Variants in SDK1 observed in about 807,000 individuals in gnomAD.
SDK1 encodes the protein protein sidekick-1.
SDK1 carries 157 observed loss-of-function variants against 245.5 expected under a neutral mutation model. That is an observed-to-expected ratio of 0.64 (90% CI 0.56 to 0.73). SDK1 has a LOEUF of 0.73. Ranked by LOEUF, SDK1 falls within the 30% of genes least tolerant of loss-of-function variation. SDK1 has a pLI of 0.00. For missense variants in SDK1, 3,583 were observed against 3,002.3 expected, an observed-to-expected ratio of 1.19 and a Z score of -4.52; for synonymous variants, 1,647 against 1,278.5, an observed-to-expected ratio of 1.29 and a Z score of -6.15.
At chr7:3,437,050 T>A (rs531734401) in intron 1 of SDK1, among the ~76,000 whole-genome samples, 1 of 152,308 alleles carries the variant, frequency 6.6e-6, no homozygotes, top group East Asian at 1.9e-4. Context: ...GAGAGCCTGG[T>A]CTGATTTCAC....
At chr7:3,309,955 G>A (rs1779511419) in intron 1 of SDK1, among the ~76,000 whole-genome samples, 1 of 152,158 alleles carries the variant, frequency 6.6e-6, no homozygotes, top group East Asian at 1.9e-4. Context: ...AAGAAAAAAA[G>A]GATTTTATTG....
intron 5 of SDK1, among the ~76,000 whole-genome samples, chr7:3,940,805 A>AAAG (rs988912308): frequency 1.3e-4 from 20 of 151,882 alleles, no homozygotes; most frequent in Admixed American, 3.3e-4. Flanking sequence ...TGGGTGACAA[A>AAAG]AATAATAATA....
intron 5 of SDK1, among the ~76,000 whole-genome samples, chr7:3,935,212 A>G (rs1583586010): frequency 6.6e-6 from 1 of 152,296 alleles, no homozygotes. Flanking sequence ...AGCCATATTA[A>G]CAGAGTGTAG....
intron 1 of SDK1, among the ~76,000 whole-genome samples, chr7:3,442,422 A>G (rs1174212135): frequency 6.6e-6 from 1 of 152,190 alleles, no homozygotes; most frequent in Non-Finnish European, 1.5e-5. Flanking sequence ...GGTCATTGCA[A>G]ATTAACCCTT....
At chr7:3,941,757 A>C (rs1780376865) in intron 5 of SDK1, among the ~76,000 whole-genome samples, 1 of 152,174 alleles carries the variant, frequency 6.6e-6, no homozygotes, top group South Asian at 2.1e-4. Context: ...CTCTTTGACG[A>C]AGTGGACGTT....
intron 4 of SDK1, among the ~76,000 whole-genome samples, chr7:3,758,555 G>A (rs1006702019): frequency 6.6e-6 from 1 of 152,126 alleles, no homozygotes; most frequent in Non-Finnish European, 1.5e-5. Context: ...AGGTCAAATG[G>A]CTCCTACTGT....
At chr7:3,544,027 C>T (rs891260394) in intron 1 of SDK1, among the ~76,000 whole-genome samples, 2 of 152,190 alleles carry the variant, frequency 1.3e-5, no homozygotes, top group East Asian at 3.9e-4. Flanking sequence ...TCAACCATAA[C>T]CATTGTGTAG....
At chr7:4,105,268 C>G (rs373191414) in intron 22 of SDK1, among the ~76,000 whole-genome samples, 17 of 152,014 alleles carry the variant, frequency 1.1e-4, no homozygotes, top group Admixed American at 1.3e-4. Flanking sequence ...CAGGTGTGAG[C>G]CACCGCGCCT....
chr7:3,615,992 C>A (rs1464861741), intron 1 of SDK1, among the ~76,000 whole-genome samples: 3 of 152,036 alleles, frequency 2.0e-5, no homozygotes, highest in African/African-American at 7.3e-5. Context: ...TCAAGTAATC[C>A]CTCCACCTCA....
intron 20 of SDK1, among the ~76,000 whole-genome samples, chr7:4,072,833 A>T (rs1035843966): frequency 6.6e-6 from 1 of 152,124 alleles, no homozygotes; most frequent in Non-Finnish European, 1.5e-5. Context: ...GTCTGTGGTG[A>T]GCACCCCCAG....
intron 4 of SDK1, among the ~76,000 whole-genome samples, chr7:3,680,451 G>T (rs1784064588): frequency 6.6e-6 from 1 of 152,104 alleles, no homozygotes; most frequent in Non-Finnish European, 1.5e-5. Flanking sequence ...CTATATGATT[G>T]TGCACACACA....
At chr7:3,528,386 G>T (rs1028199562) in intron 1 of SDK1, among the ~76,000 whole-genome samples, 2 of 151,920 alleles carry the variant, frequency 1.3e-5, no homozygotes, top group Non-Finnish European at 2.9e-5. Context: ...GGGGGTGAGT[G>T]GTGGGAGGTG....
intron 35 of SDK1, among the ~76,000 whole-genome samples, chr7:4,193,382 A>G (rs970117202): frequency 4.4e-5 from 6 of 136,384 alleles, no homozygotes; most frequent in African/African-American, 1.4e-4. Flanking sequence ...TTATATATAT[A>G]TATATATATA....
chr7:3,488,724 G>C (rs1357854488), intron 1 of SDK1, among the ~76,000 whole-genome samples: 2 of 152,120 alleles, frequency 1.3e-5, no homozygotes, highest in African/African-American at 4.8e-5. Flanking sequence ...AATTTTAGAG[G>C]TTGTTAACTG....
At chr7:3,695,110 TAA>T (rs1440063364) in intron 4 of SDK1, among the ~76,000 whole-genome samples, 1 of 152,206 alleles carries the variant, frequency 6.6e-6, no homozygotes, top group Non-Finnish European at 1.5e-5. Flanking sequence ...TATTACTACA[TAA>T]GTCACTCTTT....
In SDK1 at chr7:4,220,101, G is replaced by A. The variant is rs375127879; in HGVS notation, c.5540-8G>A. Reference sequence around the variant, plus strand: ...CCCCCTTGTTTCCTTTGCTTCTGGCGGCTGCAGGGGTGAGCAAGGTGGTGA... The same window carrying A: ...CCCCCTTGTTTCCTTTGCTTCTGGCAGCTGCAGGGGTGAGCAAGGTGGTGA... On this transcript the variant is annotated splice_polypyrimidine_tract_variant and splice_region_variant and intron_variant, in intron 38 of 44. Transcript: ENST00000404826. 17 of 1,611,196 alleles carry A rather than the reference G, an allele frequency of 1.1e-5. No homozygotes were observed. Among genetic ancestry groups the A allele is most frequent in the African/African-American group, 1.3e-5 (1 of 74,932 alleles).
intron 4 of SDK1, among the ~76,000 whole-genome samples, chr7:3,812,879 C>T (rs1327092053): frequency 6.6e-6 from 1 of 152,204 alleles, no homozygotes; most frequent in Non-Finnish European, 1.5e-5. Flanking sequence ...CATTAATGAA[C>T]ACAACTCAGC....
At chr7:3,449,450 G>A (rs909985329) in intron 1 of SDK1, among the ~76,000 whole-genome samples, 7 of 151,674 alleles carry the variant, frequency 4.6e-5, no homozygotes, top group African/African-American at 1.4e-4. Context: ...AGTAACTCCA[G>A]TATCTCTAGC....
intron 22 of SDK1, among the ~76,000 whole-genome samples, chr7:4,099,864 G>A (rs1782420407): frequency 6.6e-6 from 1 of 151,962 alleles, no homozygotes; most frequent in African/African-American, 2.4e-5. Context: ...AAGAAACCGT[G>A]GCTGCTGGTC....
Sources: allele counts gnomAD v4.1 joint callset (sites outside exome capture counted in the v4.1 genomes callset), GRCh38; gene constraint gnomAD v4.1.1; transcripts MANE v1.5; gene names NCBI Gene and HGNC (gene_info 2026-07-23, HGNC 2026-07-21).